PRR16: variants seen among roughly 807,000 people sequenced by gnomAD.
The protein encoded by PRR16 is proline rich 16, also known as protein Largen.
Under a neutral mutation model 18.2 loss-of-function variants are expected in PRR16, and 6 were observed. The observed-to-expected ratio is 0.33, with a 90% confidence interval of 0.18 to 0.65. PRR16 has a LOEUF of 0.65. Among genes scored for constraint, PRR16 ranks in the 30% least tolerant of loss-of-function variants. PRR16 has a pLI of 0.74. For synonymous variants in PRR16, 151 were observed against 147.8 expected, an observed-to-expected ratio of 1.02 and a Z score of -0.16; for missense variants, 412 against 376.6, an observed-to-expected ratio of 1.09 and a Z score of -0.78.
intron 1 of PRR16, among the ~76,000 whole-genome samples, chr5:120,472,737 G>C (rs1230128956): frequency 6.6e-6 from 1 of 152,126 alleles, no homozygotes; most frequent in African/African-American, 2.4e-5. Context: ...AAAAAAATGA[G>C]TGGCATATCA....
chr5:120,489,678 G>A (rs1431732970), intron 1 of PRR16, among the ~76,000 whole-genome samples: 4 of 152,032 alleles, frequency 2.6e-5, no homozygotes, highest in Admixed American at 6.6e-5. Context: ...GTTATGTGTG[G>A]ATTTGATCCT....
At chr5:120,632,564 C>G (rs1003181483) in intron 1 of PRR16, among the ~76,000 whole-genome samples, 1 of 152,020 alleles carries the variant, frequency 6.6e-6, no homozygotes. Flanking sequence ...CAAGGACACA[C>G]TTAGAAAAAC....
chr5:120,611,845 C>T (rs1276271309), intron 1 of PRR16, among the ~76,000 whole-genome samples: 1 of 152,206 alleles, frequency 6.6e-6, no homozygotes, highest in Non-Finnish European at 1.5e-5. Context: ...GGCCACCATT[C>T]TCCAGACCCC....
chr5:120,512,656 A>C (rs1304490753), intron 1 of PRR16, among the ~76,000 whole-genome samples: 3 of 152,234 alleles, frequency 2.0e-5, no homozygotes, highest in Middle Eastern at 6.8e-3. Flanking sequence ...CTTGTCTAGG[A>C]TATTCAGTTT....
chr5:120,647,665 C>T (rs79072955), intron 1 of PRR16, among the ~76,000 whole-genome samples: 112 of 152,144 alleles, frequency 7.4e-4, no homozygotes, highest in African/African-American at 2.5e-3. Context: ...GTCTTTAAAA[C>T]CTGTAATTGC....
intron 1 of PRR16, among the ~76,000 whole-genome samples, chr5:120,635,400 A>G (rs1755194020): frequency 1.3e-5 from 2 of 152,210 alleles, no homozygotes; most frequent in African/African-American, 4.8e-5. Flanking sequence ...CCAACAGCGT[A>G]TCAAAAAGAT....
intron 1 of PRR16, among the ~76,000 whole-genome samples, chr5:120,519,913 G>T (rs1398388486): frequency 1.3e-5 from 2 of 151,654 alleles, no homozygotes; most frequent in Non-Finnish European, 2.9e-5. Context: ...CACTTTTCAG[G>T]TTTCTCCTTC....
At chr5:120,700,521 A>G in the PRR16 span, among the ~76,000 whole-genome samples, 1 of 152,040 alleles carries the variant, frequency 6.6e-6, no homozygotes, top group Admixed American at 6.6e-5. Flanking sequence ...TAGTCCAGGA[A>G]TAGTCAGGGA....
intron 1 of PRR16, among the ~76,000 whole-genome samples, chr5:120,540,861 C>CAT (rs34201996): frequency 0.23 from 34,845 of 151,952 alleles, 4,244 homozygotes; most frequent in Non-Finnish European, 0.26. Context: ...TACTTTCTAA[C>CAT]GTGTCATATC....
chr5:120,568,736 A>T (rs762540311), intron 1 of PRR16, among the ~76,000 whole-genome samples: 5 of 151,978 alleles, frequency 3.3e-5, no homozygotes, highest in Non-Finnish European at 7.4e-5. Flanking sequence ...ATCAACACAA[A>T]TTTTTTTTAA....
At chr5:120,574,600 T>C (rs995353943) in intron 1 of PRR16, among the ~76,000 whole-genome samples, 1 of 136,292 alleles carries the variant, frequency 7.3e-6, no homozygotes, top group Non-Finnish European at 1.5e-5. Flanking sequence ...AGACTCTGTC[T>C]CAAAAACAAA....
At chr5:120,578,776 C>G (rs1313800021) in intron 1 of PRR16, among the ~76,000 whole-genome samples, 4 of 151,972 alleles carry the variant, frequency 2.6e-5, no homozygotes, top group Non-Finnish European at 4.4e-5. Context: ...AATGGGATTG[C>G]TGGGTGAAAT....
chr5:120,672,166 G>A (rs1022022886), intron 1 of PRR16, among the ~76,000 whole-genome samples: 1 of 151,810 alleles, frequency 6.6e-6, no homozygotes, highest in Non-Finnish European at 1.5e-5. Context: ...CTGCATAACA[G>A]GACTTGAAGG....
chr5:120,625,593 C>G (rs935610557), intron 1 of PRR16, among the ~76,000 whole-genome samples: 1 of 152,148 alleles, frequency 6.6e-6, no homozygotes, highest in Admixed American at 6.5e-5. Context: ...TTGCCTTGGC[C>G]TCCCAAAGTG....
At chr5:120,774,372 T>C in the PRR16 span, among the ~76,000 whole-genome samples, 2 of 152,180 alleles carry the variant, frequency 1.3e-5, no homozygotes, top group South Asian at 4.1e-4. Flanking sequence ...AATTTTCTCA[T>C]GAATTTTTTT....
At chr5:120,602,379 G>T (rs914494888) in intron 1 of PRR16, among the ~76,000 whole-genome samples, 3 of 151,850 alleles carry the variant, frequency 2.0e-5, no homozygotes, top group Non-Finnish European at 4.4e-5. Flanking sequence ...TTATTAGTGT[G>T]TAGAAATACT....
intron 1 of PRR16, among the ~76,000 whole-genome samples, chr5:120,515,968 G>C (rs1469123900): frequency 6.6e-6 from 1 of 152,114 alleles, no homozygotes; most frequent in African/African-American, 2.4e-5. Context: ...ATTTAAATCT[G>C]TAGTGTTTTT....
chr5:120,773,418 G>C, the PRR16 span, among the ~76,000 whole-genome samples: 2 of 152,096 alleles, frequency 1.3e-5, no homozygotes, highest in Non-Finnish European at 2.9e-5. Context: ...CAGAGCTACA[G>C]CTATCAAATC....
chr5:120,646,778 A>T (rs1367242780), intron 1 of PRR16, among the ~76,000 whole-genome samples: 1 of 152,084 alleles, frequency 6.6e-6, no homozygotes, highest in Non-Finnish European at 1.5e-5. Flanking sequence ...CAATAAATAC[A>T]TATCTAACAA....
Sources: gnomAD v4.1 joint callset for allele counts (sites outside exome capture counted in the v4.1 genomes callset) on GRCh38, gnomAD v4.1.1 for gene constraint, MANE v1.5 for transcripts, NCBI Gene and HGNC (gene_info 2026-07-23, HGNC 2026-07-21) for gene names.